Variants in ATRNL1 observed in about 807,000 individuals in gnomAD.
The protein encoded by ATRNL1 is attractin like 1, also known as attractin-like protein 1.
A neutral mutation model predicts 182.7 loss-of-function variants in ATRNL1; 95 were observed. The ratio of observed to expected loss-of-function variants is 0.52; its 90% CI spans 0.44 to 0.62. The LOEUF (loss-of-function observed/expected upper bound fraction) is 0.62, where lower values mean the gene tolerates loss of function less well. Ranked by LOEUF, ATRNL1 falls within the 20% of genes least tolerant of loss-of-function variation. The pLI is 0.00. For synonymous variants in ATRNL1, 576 were observed against 568.3 expected, an observed-to-expected ratio of 1.01 and a Z score of -0.19; for missense variants, 1,471 against 1,679.5, an observed-to-expected ratio of 0.88 and a Z score of 2.17.
intron 20 of ATRNL1, among the ~76,000 whole-genome samples, chr10:115,402,997 A>C (rs144571623): frequency 2.7e-4 from 41 of 151,900 alleles, no homozygotes; most frequent in African/African-American, 8.9e-4. Flanking sequence ...CTTCCTGAAC[A>C]TTTTTTTTCC....
intron 26 of ATRNL1, among the ~76,000 whole-genome samples, chr10:115,586,729 C>T (rs1302436168): frequency 1.7e-5 from 2 of 120,444 alleles, no homozygotes; most frequent in Non-Finnish European, 3.7e-5. Context: ...GTAATTTGAT[C>T]GTCTGAAGCC....
chr10:115,669,309 A>G (rs986692008), intron 26 of ATRNL1, among the ~76,000 whole-genome samples: 7 of 152,124 alleles, frequency 4.6e-5, no homozygotes, highest in African/African-American at 7.2e-5. Flanking sequence ...TATAAATGGG[A>G]TATAGCAGAT....
intron 26 of ATRNL1, among the ~76,000 whole-genome samples, chr10:115,684,165 AT>A (rs1565283015): frequency 1.3e-5 from 2 of 151,304 alleles, no homozygotes; most frequent in African/African-American, 2.4e-5. Context: ...TACAATTTAT[AT>A]TTTTTCATTA....
At chr10:115,779,391 G>C (rs2134185127) in intron 27 of ATRNL1, among the ~76,000 whole-genome samples, 1 of 152,318 alleles carries the variant, frequency 6.6e-6, no homozygotes, top group Non-Finnish European at 1.5e-5. Flanking sequence ...GGCAATTAAA[G>C]CTAGCGGAAT....
chr10:115,902,815 G>A (rs1472468925), intron 28 of ATRNL1, among the ~76,000 whole-genome samples: 3 of 152,216 alleles, frequency 2.0e-5, no homozygotes, highest in African/African-American at 7.2e-5. Context: ...GCAACGGGGG[G>A]ATCTGACAGG....
At chr10:115,882,816 A>G (rs1177339099) in intron 28 of ATRNL1, among the ~76,000 whole-genome samples, 1 of 152,222 alleles carries the variant, frequency 6.6e-6, no homozygotes, top group East Asian at 1.9e-4. Flanking sequence ...AAATAGACAG[A>G]TGTCTACAGG....
At chr10:115,552,707 G>A (rs1236286576) in intron 26 of ATRNL1, among the ~76,000 whole-genome samples, 4 of 151,140 alleles carry the variant, frequency 2.6e-5, no homozygotes, top group Admixed American at 2.0e-4. Flanking sequence ...ACACCCCTGA[G>A]AATTCAGGGG....
chr10:115,775,210 G>T (rs1209584517), intron 27 of ATRNL1, among the ~76,000 whole-genome samples: 1 of 152,046 alleles, frequency 6.6e-6, no homozygotes, highest in Non-Finnish European at 1.5e-5. Context: ...TATAGCTTTA[G>T]CTTGTCAGTT....
intron 10 of ATRNL1, among the ~76,000 whole-genome samples, chr10:115,260,655 A>T (rs1323081670): frequency 6.6e-6 from 1 of 152,236 alleles, no homozygotes; most frequent in Middle Eastern, 3.2e-3. Context: ...AGAGGAGATT[A>T]TAAGTTAAAT....
intron 13 of ATRNL1, among the ~76,000 whole-genome samples, chr10:115,276,712 T>C (rs1852121762): frequency 6.6e-6 from 1 of 152,170 alleles, no homozygotes; most frequent in Admixed American, 6.5e-5. Flanking sequence ...TACATGTCAG[T>C]ATATTAGAGT....
At chr10:115,272,090 A>G (rs1410589048) in intron 13 of ATRNL1, among the ~76,000 whole-genome samples, 2 of 152,326 alleles carry the variant, frequency 1.3e-5, no homozygotes, top group East Asian at 1.9e-4. Flanking sequence ...GCCTTCTGCA[A>G]TGAGTAAAAG....
intron 28 of ATRNL1, among the ~76,000 whole-genome samples, chr10:115,919,450 A>T (rs1340586357): frequency 1.3e-5 from 2 of 152,156 alleles, no homozygotes; most frequent in African/African-American, 4.8e-5. Context: ...CAGAAGGCAT[A>T]TTGGAAACTT....
At chr10:115,588,131 A>G (rs748145397) in intron 26 of ATRNL1, among the ~76,000 whole-genome samples, 5 of 152,164 alleles carry the variant, frequency 3.3e-5, no homozygotes, top group Admixed American at 6.5e-5. Flanking sequence ...ACTGTTGAAA[A>G]TGAAAGGATG....
At chr10:115,782,492 A>C (rs1555079535) in intron 27 of ATRNL1, among the ~76,000 whole-genome samples, 3 of 152,058 alleles carry the variant, frequency 2.0e-5, no homozygotes, top group African/African-American at 7.2e-5. Flanking sequence ...ATTTTGTTAA[A>C]CCTCCTCACA....
chr10:115,343,910 C>T (rs1369763550), intron 19 of ATRNL1, among the ~76,000 whole-genome samples: 1 of 152,204 alleles, frequency 6.6e-6, no homozygotes, highest in Non-Finnish European at 1.5e-5. Context: ...TGGTCTTGGA[C>T]AAGGTCTGGG....
chr10:115,944,302 A>G (rs895272534), intron 28 of ATRNL1, among the ~76,000 whole-genome samples: 34 of 132,364 alleles, frequency 2.6e-4, no homozygotes, highest in African/African-American at 8.7e-4. Flanking sequence ...AAAAAAAAAA[A>G]ATAGTAACAT....
chr10:115,150,019 G>T (rs1846147964), intron 5 of ATRNL1, among the ~76,000 whole-genome samples: 1 of 151,500 alleles, frequency 6.6e-6, no homozygotes, highest in South Asian at 2.1e-4. Flanking sequence ...GATCTTTTCA[G>T]TTTTTAATGG....
At chr10:115,467,083 A>T (rs1259007123) in intron 22 of ATRNL1, 91 bp from the exon 23 acceptor site, 1 of 712,690 alleles carries the variant, frequency 1.4e-6, no homozygotes, top group African/African-American at 1.8e-5. Context: ...GAGTTTAAGG[A>T]ATAAAACAGA....
At chr10:115,159,780 A>G (rs1461381850) in intron 5 of ATRNL1, among the ~76,000 whole-genome samples, 2 of 151,712 alleles carry the variant, frequency 1.3e-5, no homozygotes, top group Non-Finnish European at 3.0e-5. Context: ...CTGACATTTT[A>G]TATTATTTAA....
Sources: gnomAD v4.1 joint callset for allele counts (sites outside exome capture counted in the v4.1 genomes callset) on GRCh38, gnomAD v4.1.1 for gene constraint, MANE v1.5 for transcripts, NCBI Gene and HGNC (gene_info 2026-07-23, HGNC 2026-07-21) for gene names.